ARHGEF6: variants seen among roughly 807,000 people sequenced by gnomAD.
ARHGEF6 encodes Rac/Cdc42 guanine nucleotide exchange factor 6.
In ARHGEF6, 9 loss-of-function variants were observed where a neutral mutation model predicts 70.3. The ratio of observed to expected loss-of-function variants is 0.13; its 90% confidence interval spans 0.08 to 0.22. The LOEUF (loss-of-function observed/expected upper bound fraction) is 0.22. ARHGEF6 is among the 10% of genes least tolerant of loss of function. ARHGEF6 has a pLI of 1.00. For synonymous variants in ARHGEF6, 201 were observed against 207.8 expected (o/e 0.97, Z 0.28); for missense variants, 470 against 563.0 (o/e 0.83, Z 1.67).
Position 136,742,549 on chromosome X carries a change from T to A in ARHGEF6, c.661+1036A>T, listed in dbSNP as rs990543149. Among the ~76,000 whole-genome samples, 5 of 112,021 alleles carry A rather than the reference T, an allele frequency of 4.5e-5. No individual in the cohort carries two copies. The Admixed American group carries it at 4.7e-4, about 11-fold the overall frequency. On this transcript the variant is annotated intron_variant, in intron 5 of 21. Transcript: ENST00000250617. ...AGATGTAATAATGTGAATAACTAAA[T>A]GCTGTTTTATGTGTATTGTGAGGGA...
intron 7 of ARHGEF6, among the ~76,000 whole-genome samples, chrX:136,711,745 G>C (rs1244081184): frequency 3.6e-5 from 4 of 110,875 alleles, no homozygotes; most frequent in Non-Finnish European, 7.6e-5. Context: ...ATTTTTAGTA[G>C]AGATGGGGTT....
chrX:136,695,858 A>G (rs1188684355), intron 9 of ARHGEF6, among the ~76,000 whole-genome samples: 1 of 112,328 alleles, frequency 8.9e-6, no homozygotes, highest in Non-Finnish European at 1.9e-5. Flanking sequence ...AATTGCATCT[A>G]TAATTTGTTT....
chrX:136,758,104 G>A (rs1287893833), intron 2 of ARHGEF6, among the ~76,000 whole-genome samples: 2 of 83,534 alleles, frequency 2.4e-5, no homozygotes, highest in Non-Finnish European at 4.3e-5. Flanking sequence ...AGGCTGGAGT[G>A]CAGTGGCGCC....
chrX:136,766,294 TA>T (rs34241455), intron 2 of ARHGEF6, among the ~76,000 whole-genome samples: 2 of 107,183 alleles, frequency 1.9e-5, no homozygotes, highest in Admixed American at 1.0e-4. Context: ...AATATAAGTT[TA>T]AAAAAAAACA....
chrX:136,708,161 T>C (rs2076645898), intron 8 of ARHGEF6, among the ~76,000 whole-genome samples: 1 of 111,001 alleles, frequency 9.0e-6, no homozygotes, highest in African/African-American at 3.3e-5. Context: ...CATGGTCAAT[T>C]AAGACCTCAT....
intron 2 of ARHGEF6, among the ~76,000 whole-genome samples, chrX:136,766,392 T>TGGG (rs34091837): frequency 9.6e-5 from 10 of 103,827 alleles, no homozygotes; most frequent in African/African-American, 3.2e-4. Flanking sequence ...AGGTTTTTTT[T>TGGG]GGGGGGGGGT....
At chrX:136,729,467 CAAA>C (rs749398050) in intron 6 of ARHGEF6, among the ~76,000 whole-genome samples, 1 of 12,412 alleles carries the variant, frequency 8.1e-5, no homozygotes, top group Admixed American at 1.1e-3. Flanking sequence ...GACTCCATCT[CAAA>C]AAAAAAAAAA....
At chrX:136,773,743 A>G (rs776566585) in intron 2 of ARHGEF6, among the ~76,000 whole-genome samples, 29 of 112,043 alleles carry the variant, frequency 2.6e-4, no homozygotes, top group African/African-American at 9.4e-4. Flanking sequence ...ACAGATGAGG[A>G]AAAAGGAGCA....
chrX:136,710,083 A>T (rs1433738807), intron 7 of ARHGEF6, among the ~76,000 whole-genome samples: 1 of 110,261 alleles, frequency 9.1e-6, no homozygotes, highest in Non-Finnish European at 1.9e-5. Context: ...AGGCAGGCAG[A>T]TCACTTGAGG....
intron 18 of ARHGEF6, among the ~76,000 whole-genome samples, chrX:136,675,694 T>G (rs1023317178): frequency 1.8e-5 from 2 of 108,812 alleles, no homozygotes; most frequent in African/African-American, 6.7e-5. Context: ...TTTTTTTGTA[T>G]TTTTTTTAGT....
chrX:136,714,601 TAGG>T (rs1372099872), intron 6 of ARHGEF6, among the ~76,000 whole-genome samples: 1 of 111,715 alleles, frequency 9.0e-6, no homozygotes, highest in Non-Finnish European at 1.9e-5. Flanking sequence ...TGTCCTTAAC[TAGG>T]AGAAGTGTAT....
At chrX:136,679,040 A>G (rs2076306839) in intron 16 of ARHGEF6, among the ~76,000 whole-genome samples, 1 of 112,214 alleles carries the variant, frequency 8.9e-6, no homozygotes, top group Admixed American at 9.4e-5. Context: ...TTTAAAAGAC[A>G]CTGCTTTCAT....
intron 6 of ARHGEF6, among the ~76,000 whole-genome samples, chrX:136,726,673 A>G (rs1040934013): frequency 3.5e-5 from 4 of 112,746 alleles, no homozygotes; most frequent in Non-Finnish European, 5.6e-5. Flanking sequence ...GGCAGGTTCT[A>G]TAAAACATGC....
chrX:136,740,227 G>A lies in ARHGEF6; in HGVS notation c.661+3358C>T, dbSNP rs977763391. Among the ~76,000 whole-genome samples, 5 of 110,671 alleles carry A rather than the reference G, an allele frequency of 4.5e-5. No individual in the cohort carries two copies. The South Asian group carries it at 1.5e-3, about 34-fold the overall frequency. On this transcript the variant is annotated intron_variant, in intron 5 of 21. Coordinates refer to ENST00000250617, the MANE Select transcript of ARHGEF6 (RefSeq NM_004840.3). ...TTTCTCCATGTTGCCCAGGCTGATCGCGAATTCCTAACCTCAAGTGATCCG... is the reference window on the plus strand; with the variant it reads ...TTTCTCCATGTTGCCCAGGCTGATCACGAATTCCTAACCTCAAGTGATCCG...
chrX:136,755,671 C>T (rs140735408), intron 2 of ARHGEF6, among the ~76,000 whole-genome samples: 299 of 112,365 alleles, frequency 2.7e-3, no homozygotes, highest in African/African-American at 8.9e-3. Context: ...AATGTCCTCA[C>T]TGACCTACCT....
chrX:136,730,733 C>A lies in ARHGEF6; in HGVS notation c.732+1369G>T, dbSNP rs2076926929. Among the ~76,000 whole-genome samples, 3 of 112,086 alleles carry A rather than the reference C, an allele frequency of 2.7e-5. No homozygotes were observed. The South Asian group carries it at 1.1e-3, about 42-fold the overall frequency. On this transcript the variant is annotated intron_variant, in intron 6 of 21. Coordinates refer to ENST00000250617, the MANE Select transcript of ARHGEF6 (RefSeq NM_004840.3). ...ACAGCAAGGAACTAGAAACAACACACGTCTTCCAACAGGAGGTGGGTTATA... is the reference window on the plus strand; with the variant it reads ...ACAGCAAGGAACTAGAAACAACACAAGTCTTCCAACAGGAGGTGGGTTATA...
intron 13 of ARHGEF6, 42 bp downstream of exon 13, chrX:136,682,716 C>T (rs370541297): frequency 8.3e-6 from 9 of 1,084,309 alleles, no homozygotes; most frequent in African/African-American, 3.6e-5. Flanking sequence ...AACCTGTTTT[C>T]GTTAGGGGGT....
At chrX:136,754,407 G>A (rs2077183126) in intron 2 of ARHGEF6, among the ~76,000 whole-genome samples, 1 of 109,206 alleles carries the variant, frequency 9.2e-6, no homozygotes, top group African/African-American at 3.3e-5. Flanking sequence ...CCAGCATAGT[G>A]AAACCCATCT....
In ARHGEF6 at chrX:136,668,059, C is replaced by T. The variant is rs761201378; in HGVS notation, c.2301G>A (p.Glu767=). 4 of 1,212,080 alleles carry T rather than the reference C, an allele frequency of 3.3e-6. No individual in the cohort carries two copies. Among genetic ancestry groups the T allele is most frequent in the Admixed American group, 2.2e-5 (1 of 46,083 alleles). Residue 767 remains glutamate (E), a synonymous_variant, in exon 22 of 22, where the codon GAG becomes GAA. Coordinates refer to ENST00000250617, the MANE Select transcript of ARHGEF6 (RefSeq NM_004840.3). ...GAAGAATTGAGGTCTTGCTACTGGA[C>T]TCGCCTCGAATACACTCATCTGTTT... The part of the protein sequence containing the change: ...LKQTDECIRG[E]SSSKTSILP
Sources: gnomAD v4.1 joint callset for allele counts (sites outside exome capture counted in the v4.1 genomes callset) on GRCh38, gnomAD v4.1.1 for gene constraint, MANE v1.5 for transcripts, NCBI Gene and HGNC (gene_info 2026-07-23, HGNC 2026-07-21) for gene names.